The following PTCHD4 variants were observed in gnomAD, a reference collection of about 807,000 sequenced individuals.
PTCHD4 encodes the protein patched domain-containing protein 4.
PTCHD4 carries 33 observed loss-of-function variants against 58.1 expected under a neutral mutation model. The observed-to-expected ratio is 0.57, with a 90% CI of 0.43 to 0.76. The LOEUF is 0.76. Among genes scored for constraint, PTCHD4 ranks in the 30% least tolerant of loss-of-function variants. The probability of loss-of-function intolerance (pLI) is 0.00; values close to 1 mark genes in which losing one functional copy is unlikely to be tolerated. For synonymous variants in PTCHD4, 478 were observed against 409.6 expected, an observed-to-expected ratio of 1.17 and a Z score of -2.02; for missense variants, 1,058 against 1,027.1, an observed-to-expected ratio of 1.03 and a Z score of -0.41.
chr6:47,958,522 G>A (rs912550137), intron 4 of PTCHD4, among the ~76,000 whole-genome samples: 5 of 152,214 alleles, frequency 3.3e-5, no homozygotes, highest in African/African-American at 1.2e-4. Flanking sequence ...TCCAGGCCAT[G>A]TTAATGGGAG....
At chr6:48,109,612 A>C in intron 1 of PTCHD4, among the ~76,000 whole-genome samples, 1 of 152,072 alleles carries the variant, frequency 6.6e-6, no homozygotes. Flanking sequence ...ATGAAATGAG[A>C]AGGCAGCCTA....
intron 4 of PTCHD4, among the ~76,000 whole-genome samples, chr6:47,930,097 T>A (rs1765760087): frequency 1.3e-5 from 2 of 152,082 alleles, no homozygotes; most frequent in Admixed American, 1.3e-4. Context: ...TGGCCTTAAA[T>A]CAACTATTAG....
At chr6:48,018,793 T>C (rs532506857) in intron 3 of PTCHD4, among the ~76,000 whole-genome samples, 31 of 152,326 alleles carry the variant, frequency 2.0e-4, no homozygotes, top group Admixed American at 3.3e-4. Context: ...GGCATTCCGA[T>C]ATCAAACAAC....
intron 4 of PTCHD4, among the ~76,000 whole-genome samples, chr6:47,931,574 G>A (rs1206608272): frequency 1.3e-5 from 2 of 152,146 alleles, no homozygotes; most frequent in African/African-American, 4.8e-5. Context: ...TGACTGAGGA[G>A]CAATGAAATA....
At chr6:47,973,436 T>C (rs1767586296) in intron 4 of PTCHD4, among the ~76,000 whole-genome samples, 1 of 152,214 alleles carries the variant, frequency 6.6e-6, no homozygotes, top group Admixed American at 6.5e-5. Flanking sequence ...AAAACAATGC[T>C]ACAGTGATTG....
chr6:48,098,094 A>G (rs1765512047), intron 1 of PTCHD4, among the ~76,000 whole-genome samples: 2 of 152,096 alleles, frequency 1.3e-5, no homozygotes, highest in South Asian at 4.1e-4. Context: ...CAATCACCCA[A>G]ACTGGCATTC....
In PTCHD4 at chr6:47,860,350, A is replaced by T. The variant is rs971035693; in HGVS notation, c.*17953T>A. Among the ~76,000 whole-genome samples, 8 of 152,074 alleles carry T rather than the reference A, an allele frequency of 5.3e-5. No homozygotes were observed. The highest frequency in any genetic ancestry group is 1.0e-4 in the Non-Finnish European group (7 of 67,966). ...ATATAAAACTGTCAATTAAGAAAAGACAAAGAAATATATGACTCTAAAAAC... is the reference window on the plus strand; with the variant it reads ...ATATAAAACTGTCAATTAAGAAAAGTCAAAGAAATATATGACTCTAAAAAC... On this transcript the variant is annotated 3_prime_UTR_variant, in exon 5 of 5. Transcript: ENST00000339488.
intron 1 of PTCHD4, among the ~76,000 whole-genome samples, chr6:48,090,440 G>T (rs1414109247): frequency 6.6e-6 from 1 of 152,046 alleles, no homozygotes; most frequent in East Asian, 1.9e-4. Flanking sequence ...TGTTTCTAAT[G>T]CTCACAACAA....
At chr6:47,919,649 T>C (rs1765371576) in intron 4 of PTCHD4, among the ~76,000 whole-genome samples, 1 of 152,134 alleles carries the variant, frequency 6.6e-6, no homozygotes, top group African/African-American at 2.4e-5. Flanking sequence ...TCATGTAGGA[T>C]TTTGTAATCA....
intron 1 of PTCHD4, among the ~76,000 whole-genome samples, chr6:48,089,463 T>C (rs1277531579): frequency 6.6e-6 from 1 of 152,226 alleles, no homozygotes; most frequent in African/African-American, 2.4e-5. Flanking sequence ...TTAACACATG[T>C]TAATGCATTT....
At chr6:47,963,910 C>T (rs1031975022) in intron 4 of PTCHD4, among the ~76,000 whole-genome samples, 14 of 152,072 alleles carry the variant, frequency 9.2e-5, no homozygotes, top group Admixed American at 8.5e-4. Context: ...AAGCAAATAC[C>T]CTATTAAACA....
At chr6:47,922,668 T>C (rs1202146413) in intron 4 of PTCHD4, among the ~76,000 whole-genome samples, 1 of 152,190 alleles carries the variant, frequency 6.6e-6, no homozygotes, top group Admixed American at 6.5e-5. Context: ...CCTTGTTCAA[T>C]GAACTCTTTG....
intron 1 of PTCHD4, among the ~76,000 whole-genome samples, chr6:48,083,560 G>T (rs530690664): frequency 6.6e-6 from 1 of 152,216 alleles, no homozygotes; most frequent in Admixed American, 6.5e-5. Flanking sequence ...GGATTATGGG[G>T]GTTAAAATGG....
chr6:47,926,537 T>C (rs1765621861), intron 4 of PTCHD4, among the ~76,000 whole-genome samples: 1 of 152,218 alleles, frequency 6.6e-6, no homozygotes, highest in Non-Finnish European at 1.5e-5. Flanking sequence ...ATCCAAGATC[T>C]ATTGAATCAG....
intron 1 of PTCHD4, among the ~76,000 whole-genome samples, chr6:48,088,351 T>C (rs1030457316): frequency 1.3e-5 from 2 of 152,240 alleles, no homozygotes; most frequent in African/African-American, 4.8e-5. Flanking sequence ...ATGAAAATCC[T>C]AAGTTCTTAA....
intron 4 of PTCHD4, among the ~76,000 whole-genome samples, chr6:47,985,414 A>G (rs2114020143): frequency 6.6e-6 from 1 of 152,276 alleles, no homozygotes; most frequent in South Asian, 2.1e-4. Flanking sequence ...TATTTGCAGT[A>G]GCAAAGCATA....
chr6:47,927,675 T>A (rs1252197108), intron 4 of PTCHD4, among the ~76,000 whole-genome samples: 1 of 152,206 alleles, frequency 6.6e-6, no homozygotes, highest in Non-Finnish European at 1.5e-5. Context: ...GGACATTTTA[T>A]CAATCTGGGT....
At chr6:47,980,354 T>C (rs1234775752) in intron 4 of PTCHD4, among the ~76,000 whole-genome samples, 1 of 150,680 alleles carries the variant, frequency 6.6e-6, no homozygotes, top group African/African-American at 2.4e-5. Context: ...ACTTGGATAG[T>C]TTCACTCATT....
chr6:47,878,574 G>C lies in PTCHD4; in HGVS notation c.2261C>G (p.Thr754Arg). 6.2e-7 allele frequency: 1 copy of C among 1,613,590 alleles called. No individual in the cohort carries two copies. The highest frequency in any genetic ancestry group is 8.5e-7 in the Non-Finnish European group (1 of 1,179,728). The change falls in exon 5 of 5, where the codon ACA (threonine) becomes AGA (arginine). Residue 754 changes from threonine to arginine, a missense_variant. Thr to Arg is a moderately conservative substitution (Grantham distance 71). Coordinates refer to ENST00000339488, the MANE Select transcript of PTCHD4 (RefSeq NM_001384253.1). ...CIKSSLQDHG[T>R]AILQNVTSFL... ...AGAAGTAACATTTTGCAAAATGGCT[G>C]TCCCATGGTCTTGCAAGGAGCTTTT...
Sources: gnomAD v4.1 joint callset for allele counts (sites outside exome capture counted in the v4.1 genomes callset) on GRCh38, gnomAD v4.1.1 for gene constraint, MANE v1.5 for transcripts, NCBI Gene and HGNC (gene_info 2026-07-23, HGNC 2026-07-21) for gene names.